Variants in MGAT4D observed in about 807,000 individuals in gnomAD.
The protein encoded by MGAT4D is alpha-1,3-mannosyl-glycoprotein 4-beta-N-acetylglucosaminyltransferase-like protein MGAT4D.
Under a neutral mutation model 15.9 loss-of-function variants are expected in MGAT4D, and 34 were observed. The observed-to-expected ratio is 2.14, with a 90% CI of 1.62 to 2.84. The LOEUF is 2.84. MGAT4D is among the 30% of genes most tolerant of loss of function. The probability of loss-of-function intolerance (pLI) is 0.00; values close to 1 mark genes in which losing one functional copy is unlikely to be tolerated. For synonymous variants in MGAT4D, 112 were observed against 48.2 expected, an observed-to-expected ratio of 2.33 and a Z score of -5.49; for missense variants, 327 against 140.2, an observed-to-expected ratio of 2.33 and a Z score of -6.73.
At chr4:140,488,193 C>T (rs1428315499) in intron 1 of MGAT4D, among the ~76,000 whole-genome samples, 1 of 152,186 alleles carries the variant, frequency 6.6e-6, no homozygotes, top group Non-Finnish European at 1.5e-5. Flanking sequence ...TGCTTACTTG[C>T]CCTGGTCTAC....
At chr4:140,471,319 G>GTA in intron 5 of MGAT4D, among the ~76,000 whole-genome samples, 1 of 134,804 alleles carries the variant, frequency 7.4e-6, no homozygotes, top group South Asian at 2.3e-4. Context: ...TTTTCAAGTT[G>GTA]TATCACCTAT....
At chr4:140,488,182 G>A (rs190597942) in intron 1 of MGAT4D, among the ~76,000 whole-genome samples, 1 of 152,250 alleles carries the variant, frequency 6.6e-6, no homozygotes, top group African/African-American at 2.4e-5. Flanking sequence ...AGTTCCCTGA[G>A]TGCTTACTTG....
chr4:140,472,257 C>T (rs1466490493), intron 4 of MGAT4D, among the ~76,000 whole-genome samples: 4 of 152,082 alleles, frequency 2.6e-5, no homozygotes, highest in Admixed American at 1.3e-4. Context: ...TCATATTTCT[C>T]CAGACAGTAT....
chr4:140,462,587 AC>A (rs1283368715), intron 6 of MGAT4D: 1 of 152,174 alleles, frequency 6.6e-6, no homozygotes, highest in Non-Finnish European at 1.5e-5. Context: ...TCTTGAAGAA[AC>A]CCAATGTTAA....
chr4:140,494,896 C>G (rs1733738245), intron 1 of MGAT4D, among the ~76,000 whole-genome samples: 1 of 152,220 alleles, frequency 6.6e-6, no homozygotes, highest in Non-Finnish European at 1.5e-5. Flanking sequence ...GTCAACAGCG[C>G]TAAGGTTGAG....
chr4:140,496,602 G>A (rs1733852767), intron 1 of MGAT4D, among the ~76,000 whole-genome samples: 1 of 152,166 alleles, frequency 6.6e-6, no homozygotes, highest in African/African-American at 2.4e-5. Flanking sequence ...CAGCACTTTG[G>A]GAGGCCTAGG....
At chr4:140,461,896 C>T (rs750546527) in intron 7 of MGAT4D, 33 bp downstream of exon 7, 1 of 681,064 alleles carries the variant, frequency 1.5e-6, no homozygotes, top group Non-Finnish European at 2.7e-6. Flanking sequence ...CACACACACA[C>T]ACACACACAC....
intron 1 of MGAT4D, 110 bp from the exon 2 acceptor site, chr4:140,482,595 C>T (rs1732819008): frequency 2.1e-6 from 1 of 475,984 alleles, no homozygotes; most frequent in South Asian, 3.5e-5. Context: ...ATATATAGTA[C>T]TATATATGTA....
At chr4:140,453,212 A>G (rs1730582157) in intron 9 of MGAT4D, among the ~76,000 whole-genome samples, 1 of 152,076 alleles carries the variant, frequency 6.6e-6, no homozygotes, top group Non-Finnish European at 1.5e-5. Flanking sequence ...CTTCTTTTTC[A>G]AAACTATTTT....
Position 140,442,897 on chromosome 4 carries a change from T to C in MGAT4D, c.*539A>G, listed in dbSNP as rs1257011897. ...TGAAATCTTTAGAACTAAATGACTA[T>C]AAGAATACATATATATCAAGATGTT... On this transcript the variant is annotated 3_prime_UTR_variant, in exon 11 of 11. Transcript: ENST00000511113. 6.6e-6 allele frequency: 1 copy of C among 152,132 alleles called. No individual in the cohort carries two copies. Among genetic ancestry groups the C allele is most frequent in the African/African-American group, 2.4e-5 (1 of 41,436 alleles). 9.4% of individuals were successfully genotyped at this position (152,132 alleles called of 1,614,324 possible). A position where few individuals can be genotyped will look rare whatever the true frequency, so the allele number is the denominator to read the frequency against.
chr4:140,445,727 A>G (rs1730078731), intron 10 of MGAT4D, among the ~76,000 whole-genome samples: 1 of 152,204 alleles, frequency 6.6e-6, no homozygotes, highest in African/African-American at 2.4e-5. Flanking sequence ...GAAGGTGTCC[A>G]GTTTCAATCT....
intron 10 of MGAT4D, chr4:140,450,120 C>T: frequency 5.6e-6 from 2 of 359,628 alleles, no homozygotes; most frequent in Non-Finnish European, 1.0e-5. Flanking sequence ...TAATAGACAT[C>T]CTGTTAAAAA....
chr4:140,450,645 T>C (rs1182002447), intron 10 of MGAT4D, among the ~76,000 whole-genome samples: 1 of 152,212 alleles, frequency 6.6e-6, no homozygotes, highest in African/African-American at 2.4e-5. Context: ...GATGGGAAGA[T>C]GTATACGTCT....
chr4:140,474,154 A>C (rs149785725), intron 4 of MGAT4D, among the ~76,000 whole-genome samples: 106 of 152,320 alleles, frequency 7.0e-4, no homozygotes, highest in African/African-American at 2.5e-3. Context: ...TTCACACAGT[A>C]CTATATAGTT....
chr4:140,483,839 C>A (rs1732908484), intron 1 of MGAT4D, among the ~76,000 whole-genome samples: 1 of 148,328 alleles, frequency 6.7e-6, no homozygotes, highest in African/African-American at 2.5e-5. Context: ...ATCTTTATTT[C>A]AACTCGCATA....
chr4:140,487,758 T>C (rs1404450490), intron 1 of MGAT4D, among the ~76,000 whole-genome samples: 2 of 152,200 alleles, frequency 1.3e-5, no homozygotes, highest in African/African-American at 4.8e-5. Flanking sequence ...ATTTCAGTTA[T>C]TAAATGTAGA....
chr4:140,450,995 C>G (rs945652921), intron 10 of MGAT4D, among the ~76,000 whole-genome samples: 1 of 152,106 alleles, frequency 6.6e-6, no homozygotes, highest in Non-Finnish European at 1.5e-5. Flanking sequence ...TTTTCTTCAT[C>G]TGGCAAAACG....
At chr4:140,494,416 T>G (rs758194446) in intron 1 of MGAT4D, among the ~76,000 whole-genome samples, 2 of 152,234 alleles carry the variant, frequency 1.3e-5, no homozygotes, top group Non-Finnish European at 2.9e-5. Flanking sequence ...GTTTTCTAGC[T>G]TTTCCTTTAC....
intron 9 of MGAT4D, among the ~76,000 whole-genome samples, chr4:140,454,994 TAGC>T (rs1730707429): frequency 6.6e-6 from 1 of 152,182 alleles, no homozygotes; most frequent in Admixed American, 6.5e-5. Flanking sequence ...ATTAGAAACT[TAGC>T]AGTTTTATTG....
Sources: allele counts gnomAD v4.1 joint callset (sites outside exome capture counted in the v4.1 genomes callset), GRCh38; gene constraint gnomAD v4.1.1; transcripts MANE v1.5; gene names NCBI Gene and HGNC (gene_info 2026-07-23, HGNC 2026-07-21).